The following BBX variants were observed in gnomAD, a reference collection of about 807,000 sequenced individuals.
BBX encodes HMG box transcription factor BBX.
BBX carries 30 observed loss-of-function variants against 100.2 expected under a neutral mutation model. That is an observed-to-expected ratio of 0.30 (90% CI 0.22 to 0.41). The LOEUF (loss-of-function observed/expected upper bound fraction) is 0.41. Ranked by LOEUF, BBX falls within the 10% of genes least tolerant of loss-of-function variation. The pLI is 1.00. For synonymous variants in BBX, 376 were observed against 388.1 expected, an observed-to-expected ratio of 0.97 and a Z score of 0.37; for missense variants, 1,023 against 1,129.8, an observed-to-expected ratio of 0.91 and a Z score of 1.35.
chr3:107,594,260 C>A (rs1334445809), intron 2 of BBX, among the ~76,000 whole-genome samples: 1 of 152,158 alleles, frequency 6.6e-6, no homozygotes, highest in East Asian at 1.9e-4. Context: ...TTCACAGTTG[C>A]AGGCCTCCAT....
At chr3:107,789,643 T>C (rs1011269652) in intron 13 of BBX, 144 bp from the exon 14 acceptor site, 3 of 566,024 alleles carry the variant, frequency 5.3e-6, no homozygotes, top group African/African-American at 1.9e-5. Context: ...ACCAGTTAAG[T>C]AGGTGAAGAT....
At chr3:107,741,202 CATG>C (rs1365856031) in intron 7 of BBX, among the ~76,000 whole-genome samples, 1 of 151,978 alleles carries the variant, frequency 6.6e-6, no homozygotes, top group Non-Finnish European at 1.5e-5. Flanking sequence ...AGGACAGGCT[CATG>C]ATAACAACCT....
Position 107,716,762 on chromosome 3 carries a change from T to A in BBX, c.318T>A (p.Asp106Glu). The change falls in exon 5 of 18, where the codon GAT becomes GAA. Residue 106 changes from aspartate to glutamate, a missense_variant. Physicochemically the swap from Asp to Glu is conservative, Grantham distance 45. This residue lies in a region of BBX where 229 missense variants were observed against 226.3 expected (regional missense o/e 1.01). Coordinates refer to ENST00000325805, the MANE Select transcript of BBX (RefSeq NM_001142568.3). ...SLVRQEHPRL[D>E]NRGATKILAD... ...TACGTCAGGAACACCCCAGGCTTGA[T>A]AACCGAGGTGCTACCAAGATACTAG... 1 of 1,613,818 alleles carries A rather than the reference T, an allele frequency of 6.2e-7. No individual in the cohort carries two copies. Among genetic ancestry groups the A allele is most frequent in the South Asian group, 1.1e-5 (1 of 91,070 alleles).
intron 2 of BBX, among the ~76,000 whole-genome samples, chr3:107,541,703 T>C (rs2048878834): frequency 1.3e-5 from 2 of 152,326 alleles, no homozygotes; most frequent in Admixed American, 6.5e-5. Context: ...CAATGAAAAT[T>C]AATTAGAGAA....
rs545280117 is a variant in BBX at position 107,745,470 on chromosome 3, A to AT, written c.750+769dup. ...ACAGGGGGAACATTTTTTGTTTTTT[A>AT]TTTTTTTTTAAGAGAGAGTCTCAAT... On this transcript the variant is annotated intron_variant, in intron 8 of 17. Coordinates refer to ENST00000325805, the MANE Select transcript of BBX (RefSeq NM_001142568.3). Among the ~76,000 whole-genome samples, 257 of 150,668 alleles carry AT rather than the reference A, an allele frequency of 1.7e-3. 1 individual carries two copies. Among genetic ancestry groups the AT allele is most frequent in the Non-Finnish European group, 2.5e-3 (167 of 67,568 alleles).
At chr3:107,679,924 C>T (rs1245590477) in intron 3 of BBX, among the ~76,000 whole-genome samples, 1 of 152,162 alleles carries the variant, frequency 6.6e-6, no homozygotes, top group African/African-American at 2.4e-5. Context: ...CCTATGACAA[C>T]CTGGAAGGAC....
intron 2 of BBX, among the ~76,000 whole-genome samples, chr3:107,545,781 T>C (rs1266965875): frequency 1.3e-5 from 2 of 152,168 alleles, no homozygotes; most frequent in Non-Finnish European, 2.9e-5. Flanking sequence ...TGGTCCAGTT[T>C]GGGTCTTGCT....
Position 107,801,122 on chromosome 3 carries a change from GGA to G in BBX, c.2581_2582del (p.Leu862ProfsTer2). ...GACAAACCAAAGGAACAACTGCAGA[GGA>G]GTCTCCCTAAAGCAACTGAGACAGA... On this transcript the variant is annotated frameshift_variant, in exon 17 of 18. Transcript: ENST00000325805. LOFTEE classifies it high-confidence loss of function. 2 of 1,614,156 alleles carry G rather than the reference GGA, an allele frequency of 1.2e-6. No individual in the cohort carries two copies. Among genetic ancestry groups the G allele is most frequent in the Non-Finnish European group, 8.5e-7 (1 of 1,180,030 alleles).
At chr3:107,750,708 A>G (rs1298825382) in intron 9 of BBX, among the ~76,000 whole-genome samples, 3 of 152,238 alleles carry the variant, frequency 2.0e-5, no homozygotes, top group Non-Finnish European at 2.9e-5. Flanking sequence ...AAGGCTAAAT[A>G]AGAGCTAACT....
intron 3 of BBX, among the ~76,000 whole-genome samples, chr3:107,672,636 A>G (rs2059078120): frequency 6.6e-6 from 1 of 152,034 alleles, no homozygotes; most frequent in Admixed American, 6.6e-5. Context: ...TATTTTTATT[A>G]AGTAGAAGAG....
Position 107,693,715 on chromosome 3 carries a change from G to T in BBX, c.-9-16737G>T, listed in dbSNP as rs561257951. Reference sequence around the variant, plus strand: ...TTGGTTCCATATGAACTTTAAAGTGGTTCTTTCCAATTCTGTGAAGAAAGT... The same window carrying T: ...TTGGTTCCATATGAACTTTAAAGTGTTTCTTTCCAATTCTGTGAAGAAAGT... On this transcript the variant is annotated intron_variant, in intron 3 of 17. Coordinates refer to ENST00000325805, the MANE Select transcript of BBX (RefSeq NM_001142568.3). Among the ~76,000 whole-genome samples, 48 of 151,978 alleles carry T rather than the reference G, an allele frequency of 3.2e-4. 1 individual carries two copies. In the South Asian group the frequency reaches 9.3e-3, roughly 30 times the overall value.
Position 107,762,799 on chromosome 3 carries a change from C to T in BBX, c.906+7121C>T, listed in dbSNP as rs548390595. Among the ~76,000 whole-genome samples, 6 of 152,198 alleles carry T rather than the reference C, an allele frequency of 3.9e-5. No individual in the cohort carries two copies. The South Asian group carries it at 1.2e-3, about 32-fold the overall frequency. ...TAATTAAAAGAGAAATTATATGGTG[C>T]ATTTTGGAACTGCTTATCATTTCTT... On this transcript the variant is annotated intron_variant, in intron 10 of 17. Transcript: ENST00000325805.
Position 107,783,218 on chromosome 3 carries a change from T to G in BBX, c.2203+4699T>G, listed in dbSNP as rs537458348. ...CTTCTCAGTGACTACAATTAAATCT[T>G]ATCTATTTGTTTTCGAGTTTGTCAC... On this transcript the variant is annotated intron_variant, in intron 13 of 17. Coordinates refer to ENST00000325805, the MANE Select transcript of BBX (RefSeq NM_001142568.3). 2.6e-5 allele frequency among the ~76,000 whole-genome samples: 4 copies of G among 152,244 alleles called. No homozygotes were observed. In the East Asian group the frequency reaches 7.7e-4, roughly 29 times the overall value.
At chr3:107,688,656 C>T (rs1226890661) in intron 3 of BBX, among the ~76,000 whole-genome samples, 1 of 152,134 alleles carries the variant, frequency 6.6e-6, no homozygotes, top group East Asian at 1.9e-4. Flanking sequence ...CTATTACCTG[C>T]TGCCTAGTTT....
At chr3:107,701,495 A>G (rs1396758622) in intron 3 of BBX, among the ~76,000 whole-genome samples, 1 of 152,236 alleles carries the variant, frequency 6.6e-6, no homozygotes, top group Admixed American at 6.5e-5. Context: ...ATTTGTGATG[A>G]TGAAGCAATA....
rs1426942628 is a variant in BBX, at chr3:107,702,671, A to G, written c.-9-7781A>G. On this transcript the variant is annotated intron_variant, in intron 3 of 17. Coordinates refer to ENST00000325805, the MANE Select transcript of BBX (RefSeq NM_001142568.3). ...ATTCACATGAAATCATTATACATAC[A>G]TTGTACAGGAAAATGATAATTGTCA... 5.7e-4 allele frequency among the ~76,000 whole-genome samples: 87 copies of G among 152,236 alleles called. 3 individuals carry two copies. The highest frequency in any genetic ancestry group is 2.9e-5 in the Non-Finnish European group (2 of 68,040).
intron 10 of BBX, among the ~76,000 whole-genome samples, chr3:107,769,640 G>A (rs1560126961): frequency 6.6e-6 from 1 of 151,324 alleles, no homozygotes; most frequent in East Asian, 1.9e-4. Flanking sequence ...CTGTCTTCGA[G>A]TATCGTATCT....
chr3:107,590,310 A>G (rs1308931330), intron 2 of BBX, among the ~76,000 whole-genome samples: 2 of 152,140 alleles, frequency 1.3e-5, no homozygotes, highest in Non-Finnish European at 2.9e-5. Flanking sequence ...TGATATTTTG[A>G]TACATCCATA....
At chr3:107,646,312 A>G (rs1472671214) in intron 3 of BBX, among the ~76,000 whole-genome samples, 4 of 152,162 alleles carry the variant, frequency 2.6e-5, no homozygotes, top group Non-Finnish European at 5.9e-5. Flanking sequence ...GTATCGAAGC[A>G]TTATGGAGTT....
Sources: gnomAD v4.1 joint callset for allele counts (sites outside exome capture counted in the v4.1 genomes callset) on GRCh38, gnomAD v4.1.1 for gene constraint, gnomAD v4.1.1 regional missense constraint, MANE v1.5 for transcripts, NCBI Gene and HGNC (gene_info 2026-07-23, HGNC 2026-07-21) for gene names.